Variants in MRPS9 observed in about 807,000 individuals in gnomAD.
The protein encoded by MRPS9 is mitochondrial ribosomal protein S9, also known as small ribosomal subunit protein uS9m.
MRPS9 carries 45 observed loss-of-function variants against 59.9 expected under a neutral mutation model. The ratio of observed to expected loss-of-function variants is 0.75; its 90% CI spans 0.59 to 0.96. The LOEUF (loss-of-function observed/expected upper bound fraction) is 0.96. MRPS9 is among the 40% of genes least tolerant of loss of function. The probability of loss-of-function intolerance (pLI) is 0.00; values close to 1 mark genes in which losing one functional copy is unlikely to be tolerated. For synonymous variants in MRPS9, 171 were observed against 166.8 expected (o/e 1.03, Z -0.19); for missense variants, 473 against 481.1 (o/e 0.98, Z 0.16).
intron 5 of MRPS9, among the ~76,000 whole-genome samples, chr2:105,083,799 T>C (rs190859296): frequency 7.2e-5 from 11 of 152,244 alleles, no homozygotes; most frequent in Admixed American, 2.0e-4. Flanking sequence ...TGTGAAGTCC[T>C]TAAGAAACAT....
chr2:105,070,749 C>A (rs879604556), intron 2 of MRPS9, among the ~76,000 whole-genome samples: 6 of 152,118 alleles, frequency 3.9e-5, no homozygotes, highest in Admixed American at 2.6e-4. Flanking sequence ...TACTAAATGA[C>A]CTGCAGTATG....
At chr2:105,045,713 C>T (rs761401458) in intron 1 of MRPS9, among the ~76,000 whole-genome samples, 3 of 149,166 alleles carry the variant, frequency 2.0e-5, no homozygotes, top group East Asian at 1.9e-4. Context: ...TTGAATATAC[C>T]GATGAAACAT....
At chr2:105,087,798 T>TC (rs1558762069) in intron 5 of MRPS9, among the ~76,000 whole-genome samples, 1 of 143,382 alleles carries the variant, frequency 7.0e-6, no homozygotes. Context: ...CCTCCTGCCT[T>TC]TTTTCCTTCC....
At chr2:105,052,313 T>G (rs1679726524) in intron 2 of MRPS9, among the ~76,000 whole-genome samples, 1 of 152,216 alleles carries the variant, frequency 6.6e-6, no homozygotes, top group Non-Finnish European at 1.5e-5. Flanking sequence ...TTTGTTGAAC[T>G]TTTTTGTTGT....
intron 2 of MRPS9, among the ~76,000 whole-genome samples, chr2:105,061,753 G>A (rs752501750): frequency 6.6e-6 from 1 of 152,104 alleles, no homozygotes; most frequent in Non-Finnish European, 1.5e-5. Context: ...AGGGCATGTT[G>A]CAAGTAAGAT....
intron 2 of MRPS9, 55 bp from the exon 3 acceptor site, chr2:105,071,258 A>T: frequency 7.1e-7 from 1 of 1,412,244 alleles, no homozygotes; most frequent in Non-Finnish European, 9.9e-7. Flanking sequence ...TATAACTATT[A>T]GTTCTAACCT....
chr2:105,084,040 G>C (rs1680399100), intron 5 of MRPS9, among the ~76,000 whole-genome samples: 1 of 151,994 alleles, frequency 6.6e-6, no homozygotes, highest in Admixed American at 6.6e-5. Context: ...AATACCCTAA[G>C]CATTTATTGA....
At chr2:105,039,480 T>A (rs902812129) in intron 1 of MRPS9, among the ~76,000 whole-genome samples, 1 of 152,204 alleles carries the variant, frequency 6.6e-6, no homozygotes, top group Non-Finnish European at 1.5e-5. Flanking sequence ...GATGGCTAAC[T>A]TTCTGTCCCT....
intron 4 of MRPS9, among the ~76,000 whole-genome samples, chr2:105,077,495 G>A (rs1013875962): frequency 2.4e-4 from 36 of 152,128 alleles, no homozygotes; most frequent in African/African-American, 8.7e-4. Context: ...TAAAAAAATG[G>A]TGTATGTAGC....
At position 105,051,210 on chromosome 2, in the gene MRPS9, G is replaced by A. The variant is rs115729520; in HGVS notation, c.315+1860G>A. On this transcript the variant is annotated intron_variant, in intron 2 of 10. Transcript: ENST00000258455. Reference sequence around the variant, plus strand: ...ATTTAGGTCTTTGATCCATTTTAACGTAATTTTTGTGTGTGATGTGAGGCA... The same window carrying A: ...ATTTAGGTCTTTGATCCATTTTAACATAATTTTTGTGTGTGATGTGAGGCA... Among the ~76,000 whole-genome samples, 608 of 152,136 alleles carry A rather than the reference G, an allele frequency of 4.0e-3. 5 individuals are homozygous for A. Among genetic ancestry groups the A allele is most frequent in the African/African-American group, 0.014 (567 of 41,516 alleles).
Position 105,038,148 on chromosome 2 carries a change from G to T in MRPS9, c.56G>T (p.Trp19Leu). ...GGAVSYRLLL[W>L]GRGSLARKQG... The stretch of plus-strand genomic sequence containing the variant: ...GCAGTTTCGTACCGGCTTCTTCTCT[G>T]GGGTAGGGGTAGCCTCGCCCGGAAG... Residue 19 changes from tryptophan to leucine, a missense_variant, in exon 1 of 11, where the codon TGG becomes TTG. Transcript: ENST00000258455. 1.2e-6 allele frequency: 2 copies of T among 1,613,762 alleles called. No individual in the cohort carries two copies. The highest frequency in any genetic ancestry group is 2.2e-5 in the East Asian group (1 of 44,860).
At chr2:105,078,689 T>G (rs1323142513) in intron 4 of MRPS9, among the ~76,000 whole-genome samples, 1 of 152,136 alleles carries the variant, frequency 6.6e-6, no homozygotes, top group Non-Finnish European at 1.5e-5. Flanking sequence ...AAGAAAGACA[T>G]CCTACATATA....
At chr2:105,078,817 T>C (rs1680266894) in intron 4 of MRPS9, among the ~76,000 whole-genome samples, 1 of 152,060 alleles carries the variant, frequency 6.6e-6, no homozygotes, top group Non-Finnish European at 1.5e-5. Flanking sequence ...AAATTCCAGA[T>C]AGATTAAATA....
chr2:105,048,671 G>A (rs1260349226), intron 1 of MRPS9, among the ~76,000 whole-genome samples: 1 of 151,912 alleles, frequency 6.6e-6, no homozygotes, highest in Non-Finnish European at 1.5e-5. Flanking sequence ...CCAAAAGATG[G>A]TTAAAGATAG....
At chr2:105,055,713 T>G (rs1679780237) in intron 2 of MRPS9, among the ~76,000 whole-genome samples, 1 of 152,216 alleles carries the variant, frequency 6.6e-6, no homozygotes, top group Non-Finnish European at 1.5e-5. Flanking sequence ...AATTATATAC[T>G]CATATGGTTT....
At chr2:105,086,684 A>T (rs530331562) in intron 5 of MRPS9, among the ~76,000 whole-genome samples, 1 of 152,230 alleles carries the variant, frequency 6.6e-6, no homozygotes, top group African/African-American at 2.4e-5. Context: ...ATAGACTTGC[A>T]CTCTCTGAAC....
intron 4 of MRPS9, among the ~76,000 whole-genome samples, chr2:105,071,754 GGA>G (rs1680120253): frequency 6.6e-6 from 1 of 152,128 alleles, no homozygotes; most frequent in Non-Finnish European, 1.5e-5. Flanking sequence ...TCCTTTTGAG[GGA>G]GAGTTTGGTA....
intron 4 of MRPS9, among the ~76,000 whole-genome samples, chr2:105,073,439 T>A (rs12104434): frequency 1.8e-4 from 27 of 151,982 alleles, no homozygotes; most frequent in African/African-American, 5.8e-4. Context: ...ATTAGTAAAA[T>A]TTTTTTGTTG....
chr2:105,099,791 G>A lies in MRPS9; in HGVS notation c.*30G>A. On this transcript the variant is annotated 3_prime_UTR_variant, in exon 11 of 11. Coordinates refer to ENST00000258455, the MANE Select transcript of MRPS9 (RefSeq NM_182640.3). Reference sequence around the variant, plus strand: ...TTGCTCCCAGGAAAGGAGAGGAAGAGCTATATATATGTGCCGACATGTGGC... The same window carrying A: ...TTGCTCCCAGGAAAGGAGAGGAAGAACTATATATATGTGCCGACATGTGGC... 2 of 1,605,248 alleles carry A rather than the reference G, an allele frequency of 1.2e-6. No homozygotes were observed. The highest frequency in any genetic ancestry group is 1.7e-6 in the Non-Finnish European group (2 of 1,172,452).
Sources: gnomAD v4.1 joint callset for allele counts (sites outside exome capture counted in the v4.1 genomes callset) on GRCh38, gnomAD v4.1.1 for gene constraint, MANE v1.5 for transcripts, NCBI Gene and HGNC (gene_info 2026-07-23, HGNC 2026-07-21) for gene names.